The following SMG6 variants were observed in gnomAD, a reference collection of about 807,000 sequenced individuals.
The protein encoded by SMG6 is SMG6 nonsense mediated mRNA decay factor.
In SMG6, 66 loss-of-function variants were observed where a neutral mutation model predicts 142.2. The ratio of observed to expected loss-of-function variants is 0.46; its 90% CI spans 0.38 to 0.57. The LOEUF (loss-of-function observed/expected upper bound fraction) is 0.57. Ranked by LOEUF, SMG6 falls within the 20% of genes least tolerant of loss-of-function variation. The probability of loss-of-function intolerance (pLI) is 0.00; values close to 1 mark genes in which losing one functional copy is unlikely to be tolerated. For missense variants in SMG6, 1,793 were observed against 1,832.0 expected, an observed-to-expected ratio of 0.98 and a Z score of 0.39; for synonymous variants, 779 against 702.4, an observed-to-expected ratio of 1.11 and a Z score of -1.72.
chr17:2,244,831 T>A, intron 8 of SMG6, 112 bp from the exon 9 acceptor site: 1 of 855,146 alleles, frequency 1.2e-6, no homozygotes, highest in Non-Finnish European at 1.9e-6. Flanking sequence ...GGGTGGGCAC[T>A]AGGGATGGGA....
chr17:2,077,608 C>T (rs570314075), intron 15 of SMG6, among the ~76,000 whole-genome samples: 5 of 152,334 alleles, frequency 3.3e-5, no homozygotes, highest in Admixed American at 3.3e-4. Context: ...AGGCATTTTA[C>T]GTGCACTGTG....
At chr17:2,219,953 G>A (rs1237842636) in intron 10 of SMG6, among the ~76,000 whole-genome samples, 2 of 152,126 alleles carry the variant, frequency 1.3e-5, no homozygotes, top group Non-Finnish European at 2.9e-5. Context: ...ACAGGGTCTG[G>A]CTGTGTTTCC....
intron 12 of SMG6, among the ~76,000 whole-genome samples, chr17:2,185,593 C>T (rs1224207457): frequency 6.6e-6 from 1 of 152,138 alleles, no homozygotes; most frequent in East Asian, 1.9e-4. Context: ...CCCCCGCCCC[C>T]AATACACAAA....
chr17:2,252,815 G>A (rs934614281), intron 8 of SMG6, among the ~76,000 whole-genome samples: 2 of 151,994 alleles, frequency 1.3e-5, no homozygotes, highest in African/African-American at 2.4e-5. Flanking sequence ...GAAACCACTG[G>A]GCTATATCAG....
At chr17:2,201,091 A>G (rs1000654573) in intron 10 of SMG6, among the ~76,000 whole-genome samples, 4 of 152,250 alleles carry the variant, frequency 2.6e-5, no homozygotes, top group Admixed American at 6.5e-5. Context: ...AAGGAAAGCT[A>G]CAGAAAATTA....
At chr17:2,112,625 T>C (rs1457402453) in intron 13 of SMG6, among the ~76,000 whole-genome samples, 1 of 151,166 alleles carries the variant, frequency 6.6e-6, no homozygotes, top group Non-Finnish European at 1.5e-5. Flanking sequence ...AAAAATTGAA[T>C]TTTTTTGGTG....
At chr17:2,255,429 A>AAAAAAAAGG (rs1567722251) in intron 8 of SMG6, among the ~76,000 whole-genome samples, 1 of 137,792 alleles carries the variant, frequency 7.3e-6, no homozygotes. Context: ...AAAAAAAAAA[A>AAAAAAAAGG]GAATGTGATC....
chr17:2,258,932 G>A (rs1036193574), intron 8 of SMG6, among the ~76,000 whole-genome samples: 1 of 151,960 alleles, frequency 6.6e-6, no homozygotes, highest in African/African-American at 2.4e-5. Context: ...ACAAAAATGA[G>A]CACGGTGTGG....
intron 10 of SMG6, among the ~76,000 whole-genome samples, chr17:2,223,764 G>GA (rs1490693197): frequency 6.6e-6 from 1 of 151,990 alleles, no homozygotes; most frequent in Non-Finnish European, 1.5e-5. Flanking sequence ...TTGGAAAAAT[G>GA]AAAAAATGTG....
chr17:2,124,199 G>A (rs16951935), intron 13 of SMG6, among the ~76,000 whole-genome samples: 3 of 152,194 alleles, frequency 2.0e-5, no homozygotes, highest in Non-Finnish European at 4.4e-5. Flanking sequence ...GAGGCATTTT[G>A]GTAGTGCGGT....
At chr17:2,204,662 CT>C (rs1478914224) in intron 10 of SMG6, among the ~76,000 whole-genome samples, 8 of 152,138 alleles carry the variant, frequency 5.3e-5, no homozygotes, top group African/African-American at 1.9e-4. Context: ...ATCGACATAC[CT>C]TTTAATAATA....
intron 12 of SMG6, among the ~76,000 whole-genome samples, chr17:2,178,146 T>C (rs1025628627): frequency 3.3e-5 from 5 of 152,334 alleles, no homozygotes; most frequent in African/African-American, 4.8e-5. Flanking sequence ...TCTGTTTGCA[T>C]TGGGCGAAGG....
At chr17:2,235,382 A>G (rs372631387) in intron 10 of SMG6, among the ~76,000 whole-genome samples, 4 of 152,294 alleles carry the variant, frequency 2.6e-5, no homozygotes, top group African/African-American at 7.2e-5. Flanking sequence ...TCCCAGAAAG[A>G]TCCGCATTTC....
chr17:2,155,725 G>A (rs1042641737), intron 13 of SMG6, among the ~76,000 whole-genome samples: 4 of 152,280 alleles, frequency 2.6e-5, no homozygotes, highest in African/African-American at 4.8e-5. Flanking sequence ...GTACAGAAAC[G>A]CAGCTTGTAC....
chr17:2,077,231 A>G (rs62067976), intron 15 of SMG6, among the ~76,000 whole-genome samples: 1 of 152,198 alleles, frequency 6.6e-6, no homozygotes, highest in African/African-American at 2.4e-5. Context: ...AGCTGAAGAC[A>G]TGCCTCCCGA....
chr17:2,220,528 G>A (rs2073142740), intron 10 of SMG6, among the ~76,000 whole-genome samples: 1 of 152,176 alleles, frequency 6.6e-6, no homozygotes, highest in Non-Finnish European at 1.5e-5. Flanking sequence ...TACTTGGGAG[G>A]CTGAGACAGG....
chr17:2,070,720 T>C (rs189196871), intron 15 of SMG6, among the ~76,000 whole-genome samples: 24 of 152,294 alleles, frequency 1.6e-4, no homozygotes, highest in Non-Finnish European at 3.1e-4. Context: ...GCATGAGAAA[T>C]GCAGCTCAGG....
rs758920149 is a variant in SMG6, at chr17:2,297,404, T to A, written c.2041-51A>T. On this transcript the variant is annotated intron_variant, in intron 3 of 18. Transcript: ENST00000263073. Reference sequence around the variant, plus strand: ...TGAATCAATCTATTCTAATCCAACCTATCCACCAAAAACCGGGGCAGACAA... The same window carrying A: ...TGAATCAATCTATTCTAATCCAACCAATCCACCAAAAACCGGGGCAGACAA... 2.1e-6 allele frequency: 3 copies of A among 1,401,386 alleles called. No individual in the cohort carries two copies. In the African/African-American group the frequency reaches 4.3e-5, roughly 20 times the overall value. The allele number at this position is 1,401,386 out of a possible 1,614,324, so 86.8% of individuals were successfully genotyped here.
intron 3 of SMG6, among the ~76,000 whole-genome samples, chr17:2,297,587 C>T (rs2075171614): frequency 6.6e-6 from 1 of 151,792 alleles, no homozygotes; most frequent in Non-Finnish European, 1.5e-5. Flanking sequence ...CACACACACA[C>T]GCTCTCTCCA....
Sources: allele counts gnomAD v4.1 joint callset (sites outside exome capture counted in the v4.1 genomes callset), GRCh38; gene constraint gnomAD v4.1.1; transcripts MANE v1.5; gene names NCBI Gene and HGNC (gene_info 2026-07-23, HGNC 2026-07-21).